PAX3: variants seen among roughly 807,000 people sequenced by gnomAD.
PAX3 encodes the protein paired box protein Pax-3.
PAX3 carries 14 observed loss-of-function variants against 51.6 expected under a neutral mutation model. The observed-to-expected ratio is 0.27, with a 90% CI of 0.18 to 0.42. The LOEUF is 0.42. Among genes scored for constraint, PAX3 ranks in the 10% least tolerant of loss-of-function variants. The pLI, the probability that PAX3 is intolerant of heterozygous loss-of-function variation, is 1.00. For synonymous variants in PAX3, 280 were observed against 253.4 expected (o/e 1.11, Z -1.00); for missense variants, 540 against 642.8 (o/e 0.84, Z 1.73).
intron 4 of PAX3, among the ~76,000 whole-genome samples, chr2:222,293,451 T>G (rs1574762310): frequency 6.6e-6 from 1 of 152,180 alleles, no homozygotes; most frequent in Middle Eastern, 3.4e-3. Context: ...TTTTTCTTAG[T>G]GCCGACAGTG....
chr2:222,289,204 G>T (rs1694940572), intron 4 of PAX3, among the ~76,000 whole-genome samples: 3 of 152,270 alleles, frequency 2.0e-5, no homozygotes, highest in East Asian at 3.9e-4. Flanking sequence ...CCAATCGAAC[G>T]TAAAACATTT....
At chr2:222,241,650 C>A (rs994586141) in intron 4 of PAX3, among the ~76,000 whole-genome samples, 1 of 152,188 alleles carries the variant, frequency 6.6e-6, no homozygotes, top group African/African-American at 2.4e-5. Context: ...CTGTTTCATG[C>A]TTAAAATGAC....
intron 4 of PAX3, among the ~76,000 whole-genome samples, chr2:222,261,415 C>G (rs144055952): frequency 6.6e-6 from 1 of 152,158 alleles, no homozygotes; most frequent in Admixed American, 6.5e-5. Context: ...ATCTAAATAC[C>G]TAGCACACAT....
At chr2:222,252,213 T>G (rs928235475) in intron 4 of PAX3, among the ~76,000 whole-genome samples, 1 of 152,206 alleles carries the variant, frequency 6.6e-6, no homozygotes. Flanking sequence ...AGCTGAGTAG[T>G]GTTAACAGAG....
intron 5 of PAX3, among the ~76,000 whole-genome samples, chr2:222,228,973 GA>G (rs1463430178): frequency 6.6e-6 from 1 of 151,924 alleles, no homozygotes; most frequent in Non-Finnish European, 1.5e-5. Flanking sequence ...CAAAAAAGCA[GA>G]TCTAGTAGGT....
chr2:222,221,111 T>C (rs914727009), intron 6 of PAX3, 111 bp downstream of exon 6: 1 of 1,019,738 alleles, frequency 9.8e-7, no homozygotes, highest in Non-Finnish European at 1.6e-6. Flanking sequence ...CCTGATGTAT[T>C]ACAATTAACA....
At position 222,202,010 on chromosome 2, in the gene PAX3, T is replaced by C. The variant is rs752127930; in HGVS notation, c.1354A>G (p.Thr452Ala). 1.9e-6 allele frequency: 3 copies of C among 1,613,838 alleles called. No individual in the cohort carries two copies. The African/African-American group carries it at 4.0e-5, about 22-fold the overall frequency. ...LPTSQSYCPP[T>A]YSTTGYSMDP... Reference sequence around the variant, plus strand: ...ATACTGTAGCCTGTGGTGCTATAGGTGGGTGGACAGTAGGACTGAGATGTT... The same window carrying C: ...ATACTGTAGCCTGTGGTGCTATAGGCGGGTGGACAGTAGGACTGAGATGTT... Residue 452 changes from threonine to alanine, a missense_variant, in exon 8 of 9, where the codon ACC becomes GCC. This residue lies in a region of PAX3 where 427 missense variants were observed against 483.6 expected (regional missense o/e 0.88). Coordinates refer to ENST00000392070, the MANE Select transcript of PAX3 (RefSeq NM_181458.4).
Position 222,298,540 on chromosome 2 carries a change from G to A in PAX3, c.76C>T (p.Pro26Ser). The change falls in exon 1 of 9, where the codon CCG becomes TCG. Residue 26 changes from proline (P) to serine (S), a missense_variant. By Grantham distance (74) the Pro-to-Ser change is moderately conservative (BLOSUM62 -1). Around this residue, in one of 3 missense-constraint regions of PAX3, gnomAD observed 63 missense variants for 49.9 expected, o/e 1.26. Coordinates refer to ENST00000392070, the MANE Select transcript of PAX3 (RefSeq NM_181458.4). Reference sequence around the variant, plus strand: ...TGAGGCCCTCCCTTACCTTCCAGCGGGAACCCGCTACGCGGGTAGTTCTGC... The same window carrying A: ...TGAGGCCCTCCCTTACCTTCCAGCGAGAACCCGCTACGCGGGTAGTTCTGC... ...PGQNYPRSGF[P>S]LEVSTPLGQG... The A allele has an allele frequency of 6.2e-7, 1 of 1,604,216 alleles. No homozygotes were observed. The highest frequency in any genetic ancestry group is 1.1e-5 in the South Asian group (1 of 89,388).
chr2:222,210,168 G>A (rs1455165032), intron 7 of PAX3, among the ~76,000 whole-genome samples: 1 of 152,208 alleles, frequency 6.6e-6, no homozygotes, highest in African/African-American at 2.4e-5. Context: ...CTGGCAACAT[G>A]CAGAACCTAC....
chr2:222,221,217 G>A lies in PAX3; in HGVS notation c.958+5C>T, dbSNP rs993772747. 2.0e-5 allele frequency: 33 copies of A among 1,613,462 alleles called. No homozygotes were observed. Among genetic ancestry groups the A allele is most frequent in the African/African-American group, 2.7e-5 (2 of 74,816 alleles). On this transcript the variant is annotated splice_donor_5th_base_variant and intron_variant, in intron 6 of 8. Transcript: ENST00000392070. ...TTTCTAATCTCCTTGACTCTTCCTC[G>A]GTACCTTGTGGAATAGATGTGGGCT...
intron 5 of PAX3, among the ~76,000 whole-genome samples, chr2:222,228,266 T>C (rs1241476512): frequency 6.6e-6 from 1 of 152,162 alleles, no homozygotes; most frequent in Non-Finnish European, 1.5e-5. Flanking sequence ...CCATAAGGAA[T>C]GTCAAGAGTC....
At chr2:222,217,431 C>G (rs1255318282) in intron 7 of PAX3, among the ~76,000 whole-genome samples, 1 of 152,012 alleles carries the variant, frequency 6.6e-6, no homozygotes, top group African/African-American at 2.4e-5. Context: ...GGACAAGATC[C>G]TAGACCAGGA....
At chr2:222,205,725 G>T (rs929108432) in intron 7 of PAX3, among the ~76,000 whole-genome samples, 1 of 152,058 alleles carries the variant, frequency 6.6e-6, no homozygotes, top group African/African-American at 2.4e-5. Flanking sequence ...AATGTGTGTT[G>T]GTGGGGGGAG....
intron 4 of PAX3, among the ~76,000 whole-genome samples, chr2:222,259,325 A>G (rs1693759068): frequency 6.6e-6 from 1 of 152,240 alleles, no homozygotes; most frequent in Non-Finnish European, 1.5e-5. Context: ...TAATTCCTGG[A>G]ATCATATGAC....
intron 4 of PAX3, among the ~76,000 whole-genome samples, chr2:222,254,776 C>T (rs950196663): frequency 5.9e-5 from 9 of 152,096 alleles, no homozygotes; most frequent in Non-Finnish European, 2.9e-5. Flanking sequence ...TTAAGCTTTA[C>T]ATTTTCTATT....
intron 4 of PAX3, among the ~76,000 whole-genome samples, chr2:222,289,729 T>C (rs1401760196): frequency 6.6e-6 from 1 of 152,200 alleles, no homozygotes; most frequent in African/African-American, 2.4e-5. Flanking sequence ...AACTCTGGTG[T>C]TTCCTTTCAA....
chr2:222,204,681 T>C (rs916055787), intron 7 of PAX3, among the ~76,000 whole-genome samples: 3 of 152,194 alleles, frequency 2.0e-5, no homozygotes, highest in Non-Finnish European at 2.9e-5. Context: ...ATGAATAAGT[T>C]GTGTTAAGCA....
intron 4 of PAX3, chr2:222,293,836 C>T: frequency 6.2e-7 from 1 of 1,613,470 alleles, no homozygotes; most frequent in South Asian, 1.1e-5. Context: ...TCAGAGATGC[C>T]CAGTCTCATA....
At chr2:222,238,934 C>T (rs1692901885) in intron 4 of PAX3, among the ~76,000 whole-genome samples, 1 of 152,158 alleles carries the variant, frequency 6.6e-6, no homozygotes, top group Non-Finnish European at 1.5e-5. Context: ...TGAGTTTTGC[C>T]ATTCAACGTG....
Sources: gnomAD v4.1 joint callset for allele counts (sites outside exome capture counted in the v4.1 genomes callset) on GRCh38, gnomAD v4.1.1 for gene constraint, gnomAD v4.1.1 regional missense constraint, MANE v1.5 for transcripts, NCBI Gene and HGNC (gene_info 2026-07-23, HGNC 2026-07-21) for gene names.